The following HIF1A variants were observed in gnomAD, a reference collection of about 807,000 sequenced individuals.
HIF1A encodes the protein hypoxia inducible factor 1 subunit alpha.
A neutral mutation model predicts 92.7 loss-of-function variants in HIF1A; 24 were observed. The observed-to-expected ratio is 0.26, with a 90% CI of 0.19 to 0.36. The LOEUF is 0.36. HIF1A is among the 10% of genes least tolerant of loss of function. The probability of loss-of-function intolerance (pLI) is 1.00; values close to 1 mark genes in which losing one functional copy is unlikely to be tolerated. For missense variants in HIF1A, 799 were observed against 998.5 expected (o/e 0.80, Z 2.69); for synonymous variants, 319 against 338.7 (o/e 0.94, Z 0.64).
Position 61,734,151 on chromosome 14 carries a change from A to T in HIF1A, c.894A>T (p.Gly298=), listed in dbSNP as rs1441090291. ...TKTHHDMFTK[G]QVTTGQYRML... ...TTTCCCCCCTAGTGTTTACTAAAGG[A>T]CAAGTCACCACAGGACAGTACAGGA... is the stretch of plus-strand genomic sequence containing the variant. The change falls in exon 8 of 15, where the codon GGA becomes GGT. Residue 298 remains glycine, a synonymous_variant. Transcript: ENST00000337138. The T allele has an allele frequency of 6.4e-7, 1 of 1,571,960 alleles. No homozygotes were observed.
chr14:61,718,953 AAC>A (rs1469846691), intron 1 of HIF1A, among the ~76,000 whole-genome samples: 3 of 152,192 alleles, frequency 2.0e-5, no homozygotes. Context: ...AAGTCCTATA[AAC>A]ACACAAACTT....
chr14:61,734,254 C>T lies in HIF1A; in HGVS notation c.997C>T (p.Gln333Ter), dbSNP rs1566573973. The change falls in exon 8 of 15, where the codon CAG (glutamine) becomes TAG (stop). Residue 333 changes from glutamine (Q) to a stop codon, truncating the protein, a stop_gained. Transcript: ENST00000337138. LOFTEE classifies it high-confidence loss of function. ...VIYNTKNSQP[Q>*]CIVCVNYVVS... ...ATATAACACCAAGAATTCTCAACCACAGTGCATTGTATGTGTGAATTACGT... is the reference window on the plus strand; with the variant it reads ...ATATAACACCAAGAATTCTCAACCATAGTGCATTGTATGTGTGAATTACGT... The T allele has an allele frequency of 6.2e-7, 1 of 1,612,882 alleles. No individual in the cohort carries two copies.
In HIF1A at chr14:61,721,774, T is replaced by A; in HGVS notation, c.408T>A (p.Thr136=). Residue 136 remains threonine (T), a synonymous_variant, in exon 4 of 15, where the codon ACT becomes ACA. Transcript: ENST00000337138. ...ELTGHSVFDF[T]HPCDHEEMRE... ...CTGGACACAGTGTGTTTGATTTTAC[T>A]CATCCATGTGACCATGAGGAAATGA... is the stretch of plus-strand genomic sequence containing the variant. 6.2e-7 allele frequency: 1 copy of A among 1,613,578 alleles called. No homozygotes were observed. Among genetic ancestry groups the A allele is most frequent in the Non-Finnish European group, 8.5e-7 (1 of 1,179,650 alleles).
intron 4 of HIF1A, among the ~76,000 whole-genome samples, chr14:61,725,372 C>G (rs776783230): frequency 2.6e-5 from 4 of 152,052 alleles, no homozygotes; most frequent in South Asian, 2.1e-4. Context: ...CTGAAGCACA[C>G]TGACCAATGA....
At chr14:61,705,367 A>G (rs1014992935) in intron 1 of HIF1A, among the ~76,000 whole-genome samples, 5 of 152,150 alleles carry the variant, frequency 3.3e-5, no homozygotes, top group African/African-American at 1.2e-4. Context: ...CAAAATGAAA[A>G]CACGGTTTTA....
At chr14:61,734,063 A>G (rs1222964572) in intron 7 of HIF1A, 75 bp from the exon 8 acceptor site, 2 of 951,570 alleles carry the variant, frequency 2.1e-6, no homozygotes, top group Non-Finnish European at 3.0e-6. Context: ...ATGAACATTC[A>G]GCATCTGTTC....
chr14:61,738,213 C>T lies in HIF1A; in HGVS notation c.1376C>T (p.Pro459Leu), dbSNP rs748620045. The stretch of plus-strand genomic sequence containing the variant: ...TCTCCATTACCCACCGCTGAAACGC[C>T]AAAGCCACTTCGAAGTAGTGCTGAC... ...AMSPLPTAET[P>L]KPLRSSADPA... Residue 459 changes from proline (P) to leucine (L), a missense_variant, in exon 10 of 15, where the codon CCA becomes CTA. By Grantham distance (98) the Pro-to-Leu change is moderately conservative. Around this residue, in one of 2 missense-constraint regions of HIF1A, gnomAD observed 516 missense variants for 721.0 expected, o/e 0.72. Coordinates refer to ENST00000337138, the MANE Select transcript of HIF1A (RefSeq NM_001530.4). The T allele has an allele frequency of 6.2e-7, 1 of 1,613,940 alleles. No individual in the cohort carries two copies. The highest frequency in any genetic ancestry group is 1.3e-5 in the African/African-American group (1 of 74,868).
At chr14:61,726,239 G>A (rs752535876) in intron 4 of HIF1A, among the ~76,000 whole-genome samples, 3 of 151,912 alleles carry the variant, frequency 2.0e-5, no homozygotes, top group Admixed American at 6.6e-5. Flanking sequence ...AATAAGATAC[G>A]TAAAAATGTT....
chr14:61,711,423 C>G (rs2044306973), intron 1 of HIF1A, among the ~76,000 whole-genome samples: 1 of 152,106 alleles, frequency 6.6e-6, no homozygotes, highest in Admixed American at 6.5e-5. Context: ...TTCCTGACCA[C>G]ATTTGCTTAG....
intron 13 of HIF1A, among the ~76,000 whole-genome samples, chr14:61,745,162 C>T (rs1477170181): frequency 6.6e-6 from 1 of 152,134 alleles, no homozygotes; most frequent in Non-Finnish European, 1.5e-5. Flanking sequence ...CAGTGCCTCA[C>T]GCCTGTAATC....
At position 61,746,093 on chromosome 14, in the gene HIF1A, G is replaced by A. The variant is rs369348552; in HGVS notation, c.2329+276G>A. Among the ~76,000 whole-genome samples the A allele has an allele frequency of 1.8e-4, 27 of 151,870 alleles. No homozygotes were observed. In the East Asian group the frequency reaches 3.1e-3, roughly 18 times the overall value. ...ACAAAAATTAGCTGGGCGTGGTGGC[G>A]GGCGCCTGTAATCCCAGCTACTTGG... On this transcript the variant is annotated intron_variant, in intron 14 of 14. Coordinates refer to ENST00000337138, the MANE Select transcript of HIF1A (RefSeq NM_001530.4).
At chr14:61,732,347 TGG>T in intron 6 of HIF1A, 69 bp from the exon 7 acceptor site, 1 of 904,990 alleles carries the variant, frequency 1.1e-6, no homozygotes, top group Non-Finnish European at 1.8e-6. Flanking sequence ...TCAGTTAACT[TGG>T]GAGGAGAAAA....
chr14:61,738,299 TC>T lies in HIF1A; in HGVS notation c.1463del (p.Ser488PhefsTer49). The T allele has an allele frequency of 1.9e-6, 3 of 1,614,166 alleles. No homozygotes were observed. The highest frequency in any genetic ancestry group is 2.5e-6 in the Non-Finnish European group (3 of 1,179,994). ...ACCAAATCCAGAGTCACTGGAACTT[TC>T]TTTTACCATGCCCCAGATTCAGGAT... The part of the protein sequence containing the change: ...LEPNPESLEL[S>X]FTMPQIQDQT... On this transcript the variant is annotated frameshift_variant, in exon 10 of 15. Transcript: ENST00000337138. LOFTEE classifies it high-confidence loss of function.
At chr14:61,745,418 A>G (rs948132600) in intron 13 of HIF1A, among the ~76,000 whole-genome samples, 7 of 152,158 alleles carry the variant, frequency 4.6e-5, no homozygotes, top group Admixed American at 6.5e-5. Flanking sequence ...GTGAGAGTCC[A>G]TCTCATATTT....
intron 1 of HIF1A, among the ~76,000 whole-genome samples, chr14:61,710,123 T>A (rs926570285): frequency 1.3e-4 from 20 of 152,224 alleles, no homozygotes; most frequent in Non-Finnish European, 2.6e-4. Context: ...TACTCAATTT[T>A]TTTTGTATAG....
intron 8 of HIF1A, among the ~76,000 whole-genome samples, chr14:61,734,491 T>C (rs2044612982): frequency 1.3e-5 from 2 of 152,218 alleles, no homozygotes; most frequent in African/African-American, 4.8e-5. Flanking sequence ...TGTCAGTAGT[T>C]GTCTATCCCC....
chr14:61,740,460 T>C lies in HIF1A; in HGVS notation c.1537-45T>C, dbSNP rs141430876. 160 of 1,456,340 alleles carry C rather than the reference T, an allele frequency of 1.1e-4. No homozygotes were observed. The African/African-American group carries it at 1.6e-3, about 15-fold the overall frequency. 90.2% of individuals were successfully genotyped at this position (1,456,340 alleles called of 1,614,324 possible). A position where few individuals can be genotyped will look rare whatever the true frequency, so the allele number is the denominator to read the frequency against. On this transcript the variant is annotated intron_variant, in intron 10 of 14. Transcript: ENST00000337138. The stretch of plus-strand genomic sequence containing the variant: ...GAAAATTCTGACAACTAGCAAAGTA[T>C]ATGGAAGCTTCTTCAGGAAATAGTA...
intron 6 of HIF1A, among the ~76,000 whole-genome samples, chr14:61,727,892 G>A (rs955585768): frequency 1.3e-5 from 2 of 151,776 alleles, no homozygotes; most frequent in African/African-American, 2.4e-5. Flanking sequence ...TTAGTGGGAC[G>A]TGGTGGCAGG....
intron 6 of HIF1A, among the ~76,000 whole-genome samples, chr14:61,730,745 TATTGA>T (rs2044566946): frequency 6.6e-6 from 1 of 152,170 alleles, no homozygotes; most frequent in Non-Finnish European, 1.5e-5. Context: ...ATTAGCCACG[TATTGA>T]GTTTTGTCTT....
Sources: allele counts gnomAD v4.1 joint callset (sites outside exome capture counted in the v4.1 genomes callset), GRCh38; gene constraint gnomAD v4.1.1; regional missense constraint gnomAD v4.1.1; transcripts MANE v1.5; gene names NCBI Gene and HGNC (gene_info 2026-07-23, HGNC 2026-07-21).